The following SMIM35 variants were observed in gnomAD, a reference collection of about 807,000 sequenced individuals.
SMIM35 encodes the protein TMPRSS4 antisense RNA 1 (non-protein coding).
intron 1 of SMIM35, among the ~76,000 whole-genome samples, chr11:118,064,961 G>T (rs536523021): frequency 6.6e-6 from 1 of 152,174 alleles, no homozygotes; most frequent in Non-Finnish European, 1.5e-5. Flanking sequence ...AATATTAAAC[G>T]CTAGCCTTCT....
At chr11:118,078,074 T>A (rs1009378926) in intron 1 of SMIM35, among the ~76,000 whole-genome samples, 2 of 141,626 alleles carry the variant, frequency 1.4e-5, no homozygotes, top group African/African-American at 5.2e-5. Flanking sequence ...AGTGCAGAGA[T>A]GCCTCCAAAC....
chr11:118,073,006 C>A (rs1944596537), intron 1 of SMIM35, among the ~76,000 whole-genome samples: 1 of 152,246 alleles, frequency 6.6e-6, no homozygotes, highest in African/African-American at 2.4e-5. Flanking sequence ...CTGCAACCTC[C>A]ACCTGGGTTC....
intron 1 of SMIM35, among the ~76,000 whole-genome samples, chr11:118,069,640 C>T (rs190949478): frequency 8.8e-4 from 134 of 152,242 alleles, no homozygotes; most frequent in African/African-American, 2.8e-3. Context: ...AAGCATGTGT[C>T]GGAAACTTAA....
chr11:118,083,987 G>A lies in SMIM35; in HGVS notation c.7+2764C>T, dbSNP rs144947782. ...TGGGAGGTGGTGGTTGCAGTGAGCC[G>A]AGACAGCGCCACTGCACTCCAGCCT... On this transcript the variant is annotated intron_variant, in intron 1 of 4. Coordinates refer to ENST00000689828, the MANE Select transcript of SMIM35 (RefSeq NM_001394165.1). Among the ~76,000 whole-genome samples the A allele has an allele frequency of 7.8e-3, 1,181 of 152,172 alleles. 18 individuals are homozygous for A. The highest frequency in any genetic ancestry group is 0.026 in the African/African-American group (1,079 of 41,502).
chr11:118,047,066 G>A (rs1944108828), intron 1 of SMIM35, among the ~76,000 whole-genome samples: 1 of 152,196 alleles, frequency 6.6e-6, no homozygotes, highest in Admixed American at 6.5e-5. Context: ...GAATAGAAGT[G>A]AGCTTCCCTA....
At chr11:118,048,247 G>A (rs1223870398) in intron 1 of SMIM35, among the ~76,000 whole-genome samples, 1 of 152,186 alleles carries the variant, frequency 6.6e-6, no homozygotes, top group Non-Finnish European at 1.5e-5. Flanking sequence ...ATTAGGCCGG[G>A]CACGGTGGCT....
chr11:118,035,195 A>G (rs919929785), intron 1 of SMIM35, among the ~76,000 whole-genome samples: 3 of 151,870 alleles, frequency 2.0e-5, no homozygotes, highest in African/African-American at 4.8e-5. Flanking sequence ...CAAGTGATCC[A>G]CCCGCCTCAG....
At chr11:118,016,466 G>A (rs1307182705) in intron 1 of SMIM35, among the ~76,000 whole-genome samples, 3 of 152,160 alleles carry the variant, frequency 2.0e-5, no homozygotes, top group Non-Finnish European at 4.4e-5. Flanking sequence ...GGCACCCTAC[G>A]GACAACCCAC....
chr11:118,076,969 T>C, intron 1 of SMIM35: 1 of 306,632 alleles, frequency 3.3e-6, no homozygotes, highest in Non-Finnish European at 6.0e-6. Flanking sequence ...ACTTCAGGTG[T>C]TGTTCCAGCC....
At chr11:118,028,590 T>C in intron 1 of SMIM35, 1 of 234,958 alleles carries the variant, frequency 4.3e-6, no homozygotes, top group Non-Finnish European at 8.6e-6. Context: ...CTTATTCGTA[T>C]ATAAAATGTT....
intron 4 of SMIM35, among the ~76,000 whole-genome samples, chr11:118,010,467 G>A (rs1028165547): frequency 6.6e-6 from 1 of 152,174 alleles, no homozygotes; most frequent in Non-Finnish European, 1.5e-5. Context: ...TCTCTACTCG[G>A]CAAGTAGTCA....
chr11:118,010,637 C>T (rs545451522), intron 4 of SMIM35, among the ~76,000 whole-genome samples: 20 of 152,344 alleles, frequency 1.3e-4, no homozygotes, highest in African/African-American at 4.1e-4. Flanking sequence ...GTCTCAAGCC[C>T]TGAGCGAAGT....
chr11:118,058,536 G>A (rs954463940), intron 1 of SMIM35, among the ~76,000 whole-genome samples: 1 of 152,148 alleles, frequency 6.6e-6, no homozygotes, highest in Non-Finnish European at 1.5e-5. Flanking sequence ...AGGGTGAGAG[G>A]CACGTGCCTG....
intron 1 of SMIM35, among the ~76,000 whole-genome samples, chr11:118,056,767 G>T (rs564739800): frequency 2.6e-5 from 4 of 152,290 alleles, no homozygotes; most frequent in East Asian, 1.9e-4. Context: ...TGTGAGAAAG[G>T]CTCCAGGAAG....
intron 1 of SMIM35, among the ~76,000 whole-genome samples, chr11:118,046,135 C>G (rs1318881106): frequency 6.6e-6 from 1 of 152,132 alleles, no homozygotes; most frequent in Non-Finnish European, 1.5e-5. Flanking sequence ...AGCCTTTGTC[C>G]TCCTCTGGAC....
intron 4 of SMIM35, among the ~76,000 whole-genome samples, chr11:118,011,889 G>T (rs189458873): frequency 1.3e-5 from 2 of 152,260 alleles, no homozygotes; most frequent in Admixed American, 1.3e-4. Flanking sequence ...TTACTCAGGG[G>T]CAGAAGACTC....
chr11:118,031,051 A>G (rs141728443), intron 1 of SMIM35, among the ~76,000 whole-genome samples: 62 of 152,344 alleles, frequency 4.1e-4, no homozygotes, highest in African/African-American at 1.4e-3. Flanking sequence ...CAAAGGATTA[A>G]TTAAGTAGTA....
chr11:118,044,813 AAAAC>A (rs1179723337), intron 1 of SMIM35, among the ~76,000 whole-genome samples: 65 of 144,938 alleles, frequency 4.5e-4, no homozygotes, highest in African/African-American at 1.6e-3. Context: ...AAAAAAAAAC[AAAAC>A]AAACAAACAA....
chr11:118,060,180 C>G (rs1424076514), intron 1 of SMIM35, among the ~76,000 whole-genome samples: 9 of 152,208 alleles, frequency 5.9e-5, no homozygotes, highest in Non-Finnish European at 1.3e-4. Flanking sequence ...TGCCTCTCCT[C>G]CAGGTCCCCC....
Sources: allele counts gnomAD v4.1 joint callset (sites outside exome capture counted in the v4.1 genomes callset), GRCh38; gene constraint gnomAD v4.1.1; transcripts MANE v1.5; gene names NCBI Gene and HGNC (gene_info 2026-07-23, HGNC 2026-07-21).